The following PSEN2 variants were observed in gnomAD, a reference collection of about 807,000 sequenced individuals.
PSEN2 encodes presenilin-2.
PSEN2 carries 32 observed loss-of-function variants against 49.1 expected under a neutral mutation model. The observed-to-expected ratio is 0.65, with a 90% CI of 0.49 to 0.88. The LOEUF (loss-of-function observed/expected upper bound fraction) is 0.88, where lower values mean the gene tolerates loss of function less well. Among genes scored for constraint, PSEN2 ranks in the 40% least tolerant of loss-of-function variants. PSEN2 has a pLI of 0.00. For synonymous variants in PSEN2, 255 were observed against 244.0 expected, an observed-to-expected ratio of 1.05 and a Z score of -0.42; for missense variants, 522 against 586.9, an observed-to-expected ratio of 0.89 and a Z score of 1.14.
At chr1:226,885,448 C>T (rs1294262935) in intron 5 of PSEN2, 90 bp from the exon 6 acceptor site, 21 of 1,484,122 alleles carry the variant, frequency 1.4e-5, no homozygotes, top group East Asian at 2.4e-5. Context: ...ATCCCAGGCA[C>T]CTCCCCTAGC....
intron 12 of PSEN2, 95 bp from the exon 13 acceptor site, chr1:226,895,329 C>T (rs886727994): frequency 1.1e-5 from 16 of 1,461,838 alleles, no homozygotes; most frequent in African/African-American, 5.6e-5. Context: ...GACTGGTCCT[C>T]GAACAAGCTC....
chr1:226,870,921 C>T (rs1235108322), intron 1 of PSEN2: 1 of 152,210 alleles, frequency 6.6e-6, no homozygotes, highest in Non-Finnish European at 1.5e-5. Flanking sequence ...GAGCGGCCCT[C>T]AGGCCTTCGG....
Position 226,874,928 on chromosome 1 carries a change from G to T in PSEN2, c.-206-437G>T, listed in dbSNP as rs1660539974. The stretch of plus-strand genomic sequence containing the variant: ...TTGTTTAAAAATAAATGTGTTTCTG[G>T]AGCCTACTCCAGAGGGGCGTGCTAG... On this transcript the variant is annotated intron_variant, in intron 2 of 12. Coordinates refer to ENST00000366783, the MANE Select transcript of PSEN2 (RefSeq NM_000447.3). 2.0e-5 allele frequency among the ~76,000 whole-genome samples: 3 copies of T among 152,100 alleles called. No homozygotes were observed. In the South Asian group the frequency reaches 6.2e-4, roughly 32 times the overall value.
intron 8 of PSEN2, among the ~76,000 whole-genome samples, chr1:226,889,679 A>C (rs1021391048): frequency 6.6e-6 from 1 of 152,274 alleles, no homozygotes; most frequent in African/African-American, 2.4e-5. Flanking sequence ...GGTACCATGC[A>C]TATACATAAC....
At chr1:226,889,171 T>G in intron 8 of PSEN2, 122 bp downstream of exon 8, 1 of 889,906 alleles carries the variant, frequency 1.1e-6, no homozygotes, top group South Asian at 1.6e-5. Flanking sequence ...GAGGCCTGGG[T>G]GGGATCCCTC....
At chr1:226,891,891 C>A in intron 11 of PSEN2, 47 bp downstream of exon 11, 1 of 1,565,078 alleles carries the variant, frequency 6.4e-7, no homozygotes, top group Non-Finnish European at 8.8e-7. Flanking sequence ...ACGGCGGGAG[C>A]GGAGACAGAG....
rs1661313196 is a variant in PSEN2 at position 226,885,670 on chromosome 1, C to T, written c.489C>T (p.Arg163=). Residue 163 remains arginine (R), a synonymous_variant, in exon 6 of 13, where the codon CGC becomes CGT. Transcript: ENST00000366783. The part of the protein sequence containing the change: ...TIFLVVLYKY[R]CYKFIHGWLI... ...TCTTGGTGGTGCTCTACAAGTACCG[C>T]TGCTACAAGGTGAGGCCCTGGCCCT... is the stretch of plus-strand genomic sequence containing the variant. 1 of 1,608,110 alleles carries T rather than the reference C, an allele frequency of 6.2e-7. No individual in the cohort carries two copies. The highest frequency in any genetic ancestry group is 1.1e-5 in the South Asian group (1 of 91,072).
At chr1:226,889,291 T>G (rs1661581578) in intron 8 of PSEN2, among the ~76,000 whole-genome samples, 1 of 152,154 alleles carries the variant, frequency 6.6e-6, no homozygotes, top group Admixed American at 6.5e-5. Flanking sequence ...CTTTTTTTTT[T>G]TTTGAGATGG....
chr1:226,895,676 TC>T lies in PSEN2; in HGVS notation c.*98del. 2 of 1,393,880 alleles carry T rather than the reference TC, an allele frequency of 1.4e-6. No homozygotes were observed. The highest frequency in any genetic ancestry group is 2.0e-6 in the Non-Finnish European group (2 of 1,014,466). 86.3% of individuals were successfully genotyped at this position (1,393,880 alleles called of 1,614,324 possible). On this transcript the variant is annotated 3_prime_UTR_variant, in exon 13 of 13. Coordinates refer to ENST00000366783, the MANE Select transcript of PSEN2 (RefSeq NM_000447.3). Reference sequence around the variant, plus strand: ...TAGTGCCATATATTTTTAAGACTTTTCTTTCCTTAAAAAATAAAGTACGTGT... The same window carrying T: ...TAGTGCCATATATTTTTAAGACTTTTTTTCCTTAAAAAATAAAGTACGTGT...
chr1:226,875,736 A>G (rs963288579), intron 3 of PSEN2, among the ~76,000 whole-genome samples, 186 bp downstream of exon 3: 3 of 152,292 alleles, frequency 2.0e-5, no homozygotes, highest in Admixed American at 6.5e-5. Flanking sequence ...AGGTCGAGGA[A>G]ATTGGGTCAT....
chr1:226,893,312 C>T lies in PSEN2; in HGVS notation c.1073-695C>T, dbSNP rs1225423859. On this transcript the variant is annotated intron_variant, in intron 11 of 12. Coordinates refer to ENST00000366783, the MANE Select transcript of PSEN2 (RefSeq NM_000447.3). ...GAAGAAGTAATGCTGATGGATCACACCTGGTGGGGGAAGGAGGACAGCTGG... is the reference window on the plus strand; with the variant it reads ...GAAGAAGTAATGCTGATGGATCACATCTGGTGGGGGAAGGAGGACAGCTGG... Among the ~76,000 whole-genome samples the T allele has an allele frequency of 2.0e-5, 3 of 152,278 alleles. No individual in the cohort carries two copies. The East Asian group carries it at 5.8e-4, about 29-fold the overall frequency.
chr1:226,890,127 T>C lies in PSEN2; in HGVS notation c.880T>C (p.Tyr294His), dbSNP rs769715316. ...RNEPIFPALI[Y>H]SSAMVWTVGM... ...TGAGCCCATATTCCCTGCCCTGATA[T>C]ACTCATGTGAGTGAGCCCCCCGTGC... Residue 294 changes from tyrosine (Y) to histidine (H), a missense_variant, in exon 9 of 13, where the codon TAC (tyrosine) becomes CAC (histidine). By Grantham distance (83) the Tyr-to-His change is moderately conservative. Coordinates refer to ENST00000366783, the MANE Select transcript of PSEN2 (RefSeq NM_000447.3). 4 of 1,612,272 alleles carry C rather than the reference T, an allele frequency of 2.5e-6. No individual in the cohort carries two copies. The South Asian group carries it at 3.3e-5, about 13-fold the overall frequency.
chr1:226,872,208 G>A (rs1340165005), intron 2 of PSEN2, among the ~76,000 whole-genome samples: 4 of 152,186 alleles, frequency 2.6e-5, no homozygotes, highest in East Asian at 1.9e-4. Context: ...GCTGCTCACC[G>A]TCCCCCCAAG....
chr1:226,898,425 G>A (rs1662220703), downstream of PSEN2: 2 of 152,174 alleles, frequency 1.3e-5, no homozygotes, highest in Non-Finnish European at 2.9e-5. Context: ...CAATTGACTG[G>A]ACATTCCCAA....
At chr1:226,878,724 G>A (rs1660790164) in intron 3 of PSEN2, among the ~76,000 whole-genome samples, 1 of 152,166 alleles carries the variant, frequency 6.6e-6, no homozygotes, top group Non-Finnish European at 1.5e-5. Flanking sequence ...AACAGAGGGA[G>A]GAGATCGTAG....
At chr1:226,885,392 G>T in intron 5 of PSEN2, 146 bp from the exon 6 acceptor site, 2 of 863,682 alleles carry the variant, frequency 2.3e-6, no homozygotes. Context: ...CTGCTCATGG[G>T]GATGGTGCCC....
At chr1:226,880,374 T>A (rs368082653) in intron 3 of PSEN2, 1 of 617,910 alleles carries the variant, frequency 1.6e-6, no homozygotes, top group Non-Finnish European at 2.5e-6. Context: ...AGACCCTGTC[T>A]CTAGAAATAA....
chr1:226,896,482 C>G (rs910155147), downstream of PSEN2, among the ~76,000 whole-genome samples: 9 of 152,316 alleles, frequency 5.9e-5, no homozygotes, highest in Non-Finnish European at 1.2e-4. Context: ...CCTTCTCTGG[C>G]TTTGGCCCTG....
chr1:226,889,994 T>A, intron 8 of PSEN2, 41 bp from the exon 9 acceptor site: 1 of 1,531,514 alleles, frequency 6.5e-7, no homozygotes, highest in Non-Finnish European at 9.1e-7. Flanking sequence ...TTCAGGGGGC[T>A]GCCCGGGGAT....
Sources: gnomAD v4.1 joint callset for allele counts (sites outside exome capture counted in the v4.1 genomes callset) on GRCh38, gnomAD v4.1.1 for gene constraint, MANE v1.5 for transcripts, NCBI Gene and HGNC (gene_info 2026-07-23, HGNC 2026-07-21) for gene names.